MYOM2: variants seen among roughly 807,000 people sequenced by gnomAD.
MYOM2 encodes myomesin 2, also known as myomesin-2.
A neutral mutation model predicts 187.6 loss-of-function variants in MYOM2; 254 were observed. That is an observed-to-expected ratio of 1.35 (90% CI 1.22 to 1.50). MYOM2 has a LOEUF of 1.50. Among genes scored for constraint, MYOM2 ranks in the 40% most tolerant of loss-of-function variants. MYOM2 has a pLI of 0.00. For synonymous variants in MYOM2, 981 were observed against 753.8 expected, an observed-to-expected ratio of 1.30 and a Z score of -4.94; for missense variants, 2,796 against 1,924.0, an observed-to-expected ratio of 1.45 and a Z score of -8.48.
rs1323973609 is a variant in MYOM2, at chr8:2,076,152, C to A, written c.1132C>A (p.Leu378Met). The change falls in exon 11 of 37, where the codon CTG becomes ATG. Residue 378 changes from leucine to methionine, a missense_variant. Transcript: ENST00000262113. ...CTCCCTGCCCCAAGATGCTGACCCG[C>A]TGGTCACAGGGGCCCCCGGTGCACC... ...AFLFVRDADP[L>M]VTGAPGAPMD... The A allele has an allele frequency of 6.2e-7, 1 of 1,612,248 alleles. No individual in the cohort carries two copies. Among genetic ancestry groups the A allele is most frequent in the South Asian group, 1.1e-5 (1 of 90,752 alleles).
rs1316226259 is a variant in MYOM2, at chr8:2,079,541, T to C, written c.1463-19T>C. The C allele has an allele frequency of 1.9e-6, 3 of 1,613,854 alleles. No homozygotes were observed. Among genetic ancestry groups the C allele is most frequent in the Admixed American group, 1.7e-5 (1 of 60,024 alleles). On this transcript the variant is annotated intron_variant, in intron 12 of 36. Transcript: ENST00000262113. ...AAAACTTCGCATGTCAAATCGAGTG[T>C]CAACCTTTCTCTCCGCAGCCGTTCA...
At chr8:2,106,214 C>T (rs373510830) in intron 21 of MYOM2, 28 bp from the exon 22 acceptor site, 1 of 1,609,394 alleles carries the variant, frequency 6.2e-7, no homozygotes, top group Non-Finnish European at 8.5e-7. Context: ...TGTCCCTAAG[C>T]CGCTCACTTC....
chr8:2,071,607 AC>A (rs1470523555), intron 8 of MYOM2, among the ~76,000 whole-genome samples: 1 of 152,164 alleles, frequency 6.6e-6, no homozygotes, highest in African/African-American at 2.4e-5. Context: ...GTCTTCACAC[AC>A]GATCAGGTTC....
chr8:2,130,296 C>T (rs1797816629), intron 32 of MYOM2, among the ~76,000 whole-genome samples: 1 of 145,234 alleles, frequency 6.9e-6, no homozygotes, highest in Non-Finnish European at 1.5e-5. Flanking sequence ...GGCGCCCACA[C>T]CCCGCCTTTA....
At position 2,143,435 on chromosome 8, in the gene MYOM2, G is replaced by C. The variant is rs1186918630; in HGVS notation, c.4059G>C (p.Val1353=). Residue 1353 remains valine (V), a synonymous_variant, in exon 36 of 37, where the codon GTG becomes GTC. Transcript: ENST00000262113. ...GGTTGATCGGCGGCTTGCCTGACGT[G>C]GTGACCATCATGGAAGGGAAGGTGA... ...RGRLIGGLPD[V]VTIMEGKTLN... 1.2e-6 allele frequency: 2 copies of C among 1,614,034 alleles called. No individual in the cohort carries two copies. The highest frequency in any genetic ancestry group is 1.7e-6 in the Non-Finnish European group (2 of 1,180,010).
intron 23 of MYOM2, among the ~76,000 whole-genome samples, chr8:2,107,125 G>A (rs916175538): frequency 6.6e-6 from 1 of 152,136 alleles, no homozygotes; most frequent in African/African-American, 2.4e-5. Flanking sequence ...TCTTAGATAG[G>A]TTCACAGGTC....
chr8:2,106,659 C>G (rs937023734), intron 23 of MYOM2, 62 bp downstream of exon 23: 9 of 1,216,986 alleles, frequency 7.4e-6, no homozygotes, highest in Non-Finnish European at 1.0e-5. Flanking sequence ...AAGATTGACA[C>G]CAACATAGAA....
At chr8:2,100,203 G>A (rs111883902) in intron 19 of MYOM2, among the ~76,000 whole-genome samples, 2,073 of 117,038 alleles carry the variant, frequency 0.018, 48 homozygotes, top group African/African-American at 0.065. Flanking sequence ...CCTGCCTCCC[G>A]CCTTCTTTCC....
intron 8 of MYOM2, among the ~76,000 whole-genome samples, 183 bp downstream of exon 8, chr8:2,069,680 C>G (rs1819149068): frequency 6.6e-6 from 1 of 151,886 alleles, no homozygotes; most frequent in African/African-American, 2.4e-5. Context: ...CTCCCGGGTT[C>G]ACACCTAAGG....
At position 2,078,850 on chromosome 8, in the gene MYOM2, T is replaced by C. The variant is rs1406705328; in HGVS notation, c.1379T>C (p.Val460Ala). 1 of 1,613,984 alleles carries C rather than the reference T, an allele frequency of 6.2e-7. No homozygotes were observed. The highest frequency in any genetic ancestry group is 1.3e-5 in the African/African-American group (1 of 74,924). The change falls in exon 12 of 37, where the codon GTG (valine) becomes GCG (alanine). Residue 460 changes from valine (V) to alanine (A), a missense_variant. Transcript: ENST00000262113. ...TCTTACATATTCCGAGTGAGGGCAG[T>C]GAACAGTGCGGGCATCAGCCGACCC... The part of the protein sequence containing the change: ...GRSYIFRVRA[V>A]NSAGISRPSR...
chr8:2,129,091 C>A (rs757329785), intron 31 of MYOM2, 36 bp from the exon 32 acceptor site: 49 of 1,514,806 alleles, frequency 3.2e-5, no homozygotes, highest in East Asian at 1.1e-4. Flanking sequence ...GCAGGCACTC[C>A]TTTTCCTAGA....
At chr8:2,132,579 C>T (rs1444193531) in intron 32 of MYOM2, among the ~76,000 whole-genome samples, 1 of 144,800 alleles carries the variant, frequency 6.9e-6, no homozygotes, top group Non-Finnish European at 1.5e-5. Context: ...TGCAGTCTCT[C>T]TTTCTCTCTC....
chr8:2,057,262 G>T, intron 3 of MYOM2, 86 bp from the exon 4 acceptor site: 6 of 1,479,832 alleles, frequency 4.1e-6, no homozygotes, highest in Non-Finnish European at 5.4e-6. Context: ...CCTAGGGAGA[G>T]AATGGGCATG....
chr8:2,144,942 C>A lies in MYOM2; in HGVS notation c.4359C>A (p.Pro1453=). ...PDMAPPQQAK[P]KLIPASASAA... Reference sequence around the variant, plus strand: ...TGGCCCCGCCCCAGCAAGCCAAGCCCAAGCTCATCCCCGCGTCTGCCTCAG... The same window carrying A: ...TGGCCCCGCCCCAGCAAGCCAAGCCAAAGCTCATCCCCGCGTCTGCCTCAG... Residue 1453 remains proline (P), a synonymous_variant, in exon 37 of 37, where the codon CCC becomes CCA. Coordinates refer to ENST00000262113, the MANE Select transcript of MYOM2 (RefSeq NM_003970.4). 6.2e-7 allele frequency: 1 copy of A among 1,614,228 alleles called. No homozygotes were observed.
chr8:2,133,018 G>T (rs568171343), intron 32 of MYOM2, among the ~76,000 whole-genome samples: 1 of 152,202 alleles, frequency 6.6e-6, no homozygotes, highest in African/African-American at 2.4e-5. Context: ...GGCTTTAGCC[G>T]ATGTGTGTTG....
chr8:2,059,042 C>G (rs2294055), intron 5 of MYOM2, 111 bp from the exon 6 acceptor site: 43,181 of 845,778 alleles, frequency 0.051, 1,411 homozygotes, highest in African/African-American at 0.13. Flanking sequence ...GCCTGAGGCT[C>G]TAAGGGAAAC....
chr8:2,107,844 G>A (rs898385647), intron 23 of MYOM2, among the ~76,000 whole-genome samples: 4 of 152,146 alleles, frequency 2.6e-5, no homozygotes, highest in African/African-American at 4.8e-5. Context: ...GCATTCCTCT[G>A]CACCATTTCA....
intron 8 of MYOM2, among the ~76,000 whole-genome samples, chr8:2,070,764 G>A (rs1239983290): frequency 2.0e-5 from 3 of 152,150 alleles, no homozygotes; most frequent in Admixed American, 1.3e-4. Context: ...GTTGTTTTTC[G>A]TCGAAGTCAA....
At chr8:2,127,265 C>G (rs1797680989) in intron 31 of MYOM2, among the ~76,000 whole-genome samples, 1 of 152,104 alleles carries the variant, frequency 6.6e-6, no homozygotes, top group Non-Finnish European at 1.5e-5. Context: ...AGAGTCCCAC[C>G]TGACTGGGGA....
Sources: allele counts gnomAD v4.1 joint callset (sites outside exome capture counted in the v4.1 genomes callset), GRCh38; gene constraint gnomAD v4.1.1; transcripts MANE v1.5; gene names NCBI Gene and HGNC (gene_info 2026-07-23, HGNC 2026-07-21).